CFAP58: variants seen among roughly 807,000 people sequenced by gnomAD.
CFAP58 encodes the protein cilia- and flagella-associated protein 58.
A neutral mutation model predicts 119.5 loss-of-function variants in CFAP58; 88 were observed. That is an observed-to-expected ratio of 0.74 (90% CI 0.62 to 0.88). The LOEUF is 0.88. Among genes scored for constraint, CFAP58 ranks in the 40% least tolerant of loss-of-function variants. CFAP58 has a pLI of 0.00. For missense variants in CFAP58, 990 were observed against 1,021.2 expected (o/e 0.97, Z 0.42); for synonymous variants, 365 against 366.3 (o/e 1.00, Z 0.04).
rs2012245007 is a variant in CFAP58, at chr10:104,400,667, C to T, written c.1816-13C>T. 6.8e-6 allele frequency: 11 copies of T among 1,610,152 alleles called. No individual in the cohort carries two copies. The highest frequency in any genetic ancestry group is 9.3e-6 in the Non-Finnish European group (11 of 1,177,346). On this transcript the variant is annotated splice_polypyrimidine_tract_variant and intron_variant, in intron 12 of 17. Transcript: ENST00000369704. ...TCCTTCCCTGGTGACTATGCCCCTC[C>T]CTACCTTCCTAGGTCATCAGTGAGA... is the stretch of plus-strand genomic sequence containing the variant.
intron 9 of CFAP58, among the ~76,000 whole-genome samples, chr10:104,391,606 A>C (rs772529321): frequency 6.6e-6 from 1 of 152,168 alleles, no homozygotes; most frequent in Non-Finnish European, 1.5e-5. Context: ...GTATTGACTC[A>C]TGGTGGAATT....
At chr10:104,403,864 C>T in intron 14 of CFAP58, 24 bp downstream of exon 14, 1 of 1,468,414 alleles carries the variant, frequency 6.8e-7, no homozygotes, top group Non-Finnish European at 9.4e-7. Flanking sequence ...GCGTGTTCTC[C>T]CCATCCCCAA....
In CFAP58 at chr10:104,401,125, G is replaced by T. The variant is rs554335307; in HGVS notation, c.2039+222G>T. 3.3e-5 allele frequency among the ~76,000 whole-genome samples: 5 copies of T among 152,172 alleles called. No individual in the cohort carries two copies. In the East Asian group the frequency reaches 9.7e-4, roughly 29 times the overall value. On this transcript the variant is annotated intron_variant, in intron 13 of 17. Transcript: ENST00000369704. ...TAATGAACCAGCTTCCTTTCGGGGG[G>T]GTAAGGGCGAGTGCAAAAAGGTTTT...
intron 9 of CFAP58, among the ~76,000 whole-genome samples, chr10:104,386,653 C>T (rs1026165126): frequency 2.0e-5 from 3 of 151,940 alleles, no homozygotes; most frequent in East Asian, 1.9e-4. Context: ...TTCTTGGGGG[C>T]GAGTCTTATT....
At chr10:104,355,079 C>T (rs78997867) in intron 1 of CFAP58, among the ~76,000 whole-genome samples, 1,768 of 152,296 alleles carry the variant, frequency 0.012, 46 homozygotes, top group African/African-American at 0.041. Flanking sequence ...CACGCCTGGG[C>T]TCCATCACTC....
At chr10:104,399,226 G>A (rs1424314998) in intron 11 of CFAP58, 134 bp from the exon 12 acceptor site, 4 of 845,768 alleles carry the variant, frequency 4.7e-6, no homozygotes, top group African/African-American at 1.7e-5. Context: ...GCTTGTGAGA[G>A]TGATCAAACT....
intron 15 of CFAP58, among the ~76,000 whole-genome samples, chr10:104,411,743 A>C (rs2012463836): frequency 1.3e-5 from 2 of 151,708 alleles, no homozygotes; most frequent in South Asian, 4.2e-4. Flanking sequence ...AATGGATACA[A>C]ATTCTTAGGG....
Position 104,358,729 on chromosome 10 carries a change from C to G in CFAP58, c.291+107C>G, listed in dbSNP as rs2014629225. 8 of 1,018,084 alleles carry G rather than the reference C, an allele frequency of 7.9e-6. No individual in the cohort carries two copies. The South Asian group carries it at 1.3e-4, about 17-fold the overall frequency. The allele number at this position is 1,018,084 out of a possible 1,614,324, so 63.1% of individuals were successfully genotyped here. A position where few individuals can be genotyped will look rare whatever the true frequency, so the allele number is the denominator to read the frequency against. On this transcript the variant is annotated intron_variant, in intron 2 of 17. Transcript: ENST00000369704. ...AAATGAGTTATTAGGTAAAAATTTACATGATTTTATATTCATTAAGCCTAA... is the reference window on the plus strand; with the variant it reads ...AAATGAGTTATTAGGTAAAAATTTAGATGATTTTATATTCATTAAGCCTAA...
At chr10:104,353,420 C>A (rs2014490967), upstream of CFAP58, 1 of 159,762 alleles carries the variant, frequency 6.3e-6, no homozygotes, top group Non-Finnish European at 1.4e-5. Flanking sequence ...GTGTAGCCGC[C>A]AGTCCTTCCC....
At chr10:104,454,308 C>A in intron 17 of CFAP58, 114 bp from the exon 18 acceptor site, 1 of 829,174 alleles carries the variant, frequency 1.2e-6, no homozygotes, top group Non-Finnish European at 2.0e-6. Flanking sequence ...TTGTCTAAAA[C>A]TAGAAGCTGT....
At chr10:104,372,550 G>C (rs2014838968) in intron 7 of CFAP58, among the ~76,000 whole-genome samples, 2 of 152,140 alleles carry the variant, frequency 1.3e-5, no homozygotes, top group Admixed American at 6.5e-5. Context: ...GGTGCTGGGT[G>C]CATGGAGGAC....
intron 1 of CFAP58, among the ~76,000 whole-genome samples, chr10:104,357,970 C>CACATATATGTACACATATATACACAT (rs2014603610): frequency 2.8e-5 from 3 of 105,494 alleles, no homozygotes; most frequent in African/African-American, 1.6e-4. Flanking sequence ...TATATGTACA[C>CACATATATGTACACATATATACACAT]ATATGTACAT....
rs200269309 is a variant in CFAP58 at position 104,363,263 on chromosome 10, C to A, written c.440+1092C>A. ...TCCCTGAAGGAAGGCACCTTTATAT[C>A]CCCTCCAGGAGCCCAGCACTGTGTG... On this transcript the variant is annotated intron_variant, in intron 3 of 17. Transcript: ENST00000369704. Among the ~76,000 whole-genome samples, 42 of 152,336 alleles carry A rather than the reference C, an allele frequency of 2.8e-4. No homozygotes were observed. The East Asian group carries it at 7.7e-3, about 28-fold the overall frequency.
At chr10:104,403,689 G>T in intron 13 of CFAP58, 40 bp from the exon 14 acceptor site, 1 of 1,349,902 alleles carries the variant, frequency 7.4e-7, no homozygotes. Context: ...TATTCAAACG[G>T]GTGGATAATT....
intron 11 of CFAP58, among the ~76,000 whole-genome samples, chr10:104,396,971 G>A (rs1225632757): frequency 6.6e-6 from 1 of 152,124 alleles, no homozygotes; most frequent in Admixed American, 6.5e-5. Context: ...TCAGAATTTT[G>A]ATATATTATG....
chr10:104,420,506 T>G (rs1457365298), intron 15 of CFAP58, among the ~76,000 whole-genome samples: 2 of 152,324 alleles, frequency 1.3e-5, no homozygotes, highest in East Asian at 3.9e-4. Flanking sequence ...GTTATGTGTT[T>G]TGAAACAAGT....
At chr10:104,445,151 C>T (rs1036050581) in intron 15 of CFAP58, among the ~76,000 whole-genome samples, 14 of 151,570 alleles carry the variant, frequency 9.2e-5, no homozygotes, top group Admixed American at 6.6e-4. Context: ...AGCGAGACCC[C>T]GCCTCTACAG....
At chr10:104,390,678 A>C (rs968394223) in intron 9 of CFAP58, among the ~76,000 whole-genome samples, 1 of 152,240 alleles carries the variant, frequency 6.6e-6, no homozygotes, top group Non-Finnish European at 1.5e-5. Context: ...ATATGGAAGA[A>C]TACATAGTAG....
intron 15 of CFAP58, among the ~76,000 whole-genome samples, chr10:104,429,736 T>A (rs2012812553): frequency 6.6e-6 from 1 of 152,236 alleles, no homozygotes. Flanking sequence ...CTTTTATTTT[T>A]ATAAAAACTG....
Sources: allele counts gnomAD v4.1 joint callset (sites outside exome capture counted in the v4.1 genomes callset), GRCh38; gene constraint gnomAD v4.1.1; transcripts MANE v1.5; gene names NCBI Gene and HGNC (gene_info 2026-07-23, HGNC 2026-07-21).